ZNF250: variants seen among roughly 807,000 people sequenced by gnomAD.
The protein encoded by ZNF250 is zinc finger protein (clone 647).
ZNF250 carries 13 observed loss-of-function variants against 37.1 expected under a neutral mutation model. The ratio of observed to expected loss-of-function variants is 0.35; its 90% CI spans 0.23 to 0.56. The LOEUF (loss-of-function observed/expected upper bound fraction) is 0.56. Among genes scored for constraint, ZNF250 ranks in the 20% least tolerant of loss-of-function variants. ZNF250 has a pLI of 0.87. For synonymous variants in ZNF250, 251 were observed against 265.6 expected (o/e 0.94, Z 0.54); for missense variants, 474 against 697.9 (o/e 0.68, Z 3.61).
At position 144,878,140 on chromosome 8, in the gene ZNF250, T is replaced by A. The variant is rs897510850; in HGVS notation, c.*3375A>T. The A allele has an allele frequency of 1.3e-5, 2 of 152,238 alleles. No individual in the cohort carries two copies. Among genetic ancestry groups the A allele is most frequent in the Non-Finnish European group, 2.9e-5 (2 of 68,056 alleles). The allele number at this position is 152,238 out of a possible 1,614,324, so 9.4% of individuals were successfully genotyped here. A position where few individuals can be genotyped will look rare whatever the true frequency, so the allele number is the denominator to read the frequency against. On this transcript the variant is annotated 3_prime_UTR_variant, in exon 6 of 6. Coordinates refer to ENST00000417550, the MANE Select transcript of ZNF250 (RefSeq NM_001109689.4). ...CTGGACTTTCATCTCAGTGATCTCA[T>A]CTAGGTACCTGGGTGATCTCTTGGC...
chr8:144,889,411 C>G (rs1832147723), intron 4 of ZNF250, among the ~76,000 whole-genome samples, 170 bp downstream of exon 4: 1 of 152,234 alleles, frequency 6.6e-6, no homozygotes, highest in African/African-American at 2.4e-5. Flanking sequence ...TGGGCTGCCA[C>G]CTGATTCAGC....
chr8:144,888,221 T>C (rs1296311280), intron 4 of ZNF250, among the ~76,000 whole-genome samples: 1 of 152,254 alleles, frequency 6.6e-6, no homozygotes, highest in African/African-American at 2.4e-5. Flanking sequence ...AGATTAATTC[T>C]TGGATGCTTT....
chr8:144,895,570 C>T (rs148633065), intron 1 of ZNF250, among the ~76,000 whole-genome samples: 21 of 152,184 alleles, frequency 1.4e-4, no homozygotes, highest in Non-Finnish European at 2.8e-4. Flanking sequence ...GGAAATACTC[C>T]AAAGGACAAT....
upstream of ZNF250, chr8:144,902,170 T>G (rs1043189013): frequency 2.0e-5 from 3 of 152,312 alleles, no homozygotes; most frequent in Non-Finnish European, 1.5e-5. Flanking sequence ...CACTCGGCCC[T>G]GGTGTTTGCT....
At chr8:144,894,835 T>TA (rs1285502020) in intron 1 of ZNF250, among the ~76,000 whole-genome samples, 1 of 151,222 alleles carries the variant, frequency 6.6e-6, no homozygotes, top group Non-Finnish European at 1.5e-5. Context: ...TTCTTAATTT[T>TA]TTTTTTTTGG....
intron 5 of ZNF250, among the ~76,000 whole-genome samples, chr8:144,883,937 A>G (rs1260264694): frequency 6.6e-6 from 1 of 151,438 alleles, no homozygotes; most frequent in Non-Finnish European, 1.5e-5. Flanking sequence ...TACAGTGGCT[A>G]CTATCATAGC....
rs895740650 is a variant in ZNF250 at position 144,886,968 on chromosome 8, C to T, written c.284-66G>A. The T allele has an allele frequency of 1.6e-5, 23 of 1,450,886 alleles. No individual in the cohort carries two copies. In the Admixed American group the frequency reaches 2.0e-4, roughly 13 times the overall value. 89.9% of individuals were successfully genotyped at this position (1,450,886 alleles called of 1,614,324 possible). A position where few individuals can be genotyped will look rare whatever the true frequency, so the allele number is the denominator to read the frequency against. ...CCCTTCAAGAGTGGAAAATCCTGGC[C>T]GGGCATGGTGGCTCACGTCTGTAAT... On this transcript the variant is annotated intron_variant, in intron 4 of 5. Transcript: ENST00000417550.
Position 144,881,576 on chromosome 8 carries a change from C to G in ZNF250, c.1607G>C (p.Gly536Ala). 4 of 1,611,798 alleles carry G rather than the reference C, an allele frequency of 2.5e-6. No individual in the cohort carries two copies. Among genetic ancestry groups the G allele is most frequent in the Non-Finnish European group, 3.4e-6 (4 of 1,178,126 alleles). The change falls in exon 6 of 6, where the codon GGG becomes GCG. Residue 536 changes from glycine to alanine, a missense_variant. Transcript: ENST00000417550. ...GTGGCCATGCTGGTTGAAGGCACGC[C>G]CACACTCCCCGCACTCATAGGGCTT... ...GEKPYECGEC[G>A]RAFNQHGHLI...
chr8:144,889,904 C>T (rs1023040891), intron 3 of ZNF250, 29 bp downstream of exon 3: 11 of 1,576,140 alleles, frequency 7.0e-6, no homozygotes, highest in African/African-American at 4.0e-5. Flanking sequence ...TACGCAGATA[C>T]ATAGACGAGG....
At chr8:144,889,311 G>C (rs970429296) in intron 4 of ZNF250, among the ~76,000 whole-genome samples, 1 of 152,190 alleles carries the variant, frequency 6.6e-6, no homozygotes, top group African/African-American at 2.4e-5. Context: ...TCTGGTCAGG[G>C]ACAGAATCAC....
intron 1 of ZNF250, among the ~76,000 whole-genome samples, chr8:144,896,673 G>T (rs1002404170): frequency 9.9e-5 from 15 of 152,208 alleles, no homozygotes; most frequent in Non-Finnish European, 1.6e-4. Flanking sequence ...AGGCAGGGAA[G>T]GAGGATGATG....
rs540284849 is a variant in ZNF250 at position 144,900,621 on chromosome 8, T to A, written c.-55+778A>T. Among the ~76,000 whole-genome samples, 13 of 152,254 alleles carry A rather than the reference T, an allele frequency of 8.5e-5. No homozygotes were observed. In the East Asian group the frequency reaches 1.3e-3, roughly 16 times the overall value. ...AAATATTTGCTGTGTTGCAAAGAGT[T>A]GGGCTCATTCATTAAAATAGGGCTC... On this transcript the variant is annotated intron_variant, in intron 1 of 5. Transcript: ENST00000417550.
chr8:144,891,494 T>C lies in ZNF250; in HGVS notation c.-54-1091A>G, dbSNP rs1832334043. ...ACTTTGGGAGGGTGAGGCAGGCACA[T>C]CACCGGAGGTCAGGAGTTTGAGACC... On this transcript the variant is annotated intron_variant, in intron 1 of 5. Transcript: ENST00000417550. The surrounding 1 kb of genome is among the most constrained non-coding windows in gnomAD (Gnocchi z 4.0). Among the ~76,000 whole-genome samples the C allele has an allele frequency of 6.6e-6, 1 of 152,162 alleles. No homozygotes were observed. Among genetic ancestry groups the C allele is most frequent in the Admixed American group, 6.6e-5 (1 of 15,260 alleles).
chr8:144,901,558 GT>G (rs538212773), upstream of ZNF250: 119 of 152,596 alleles, frequency 7.8e-4, no homozygotes, highest in Middle Eastern at 3.3e-3. The surrounding 1 kb of genome is among the most constrained non-coding windows in gnomAD (Gnocchi z 5.4). Context: ...GGGCAAGCAT[GT>G]TTACGTCATT....
chr8:144,892,805 G>A (rs1340429330), intron 1 of ZNF250, among the ~76,000 whole-genome samples: 7 of 151,368 alleles, frequency 4.6e-5, no homozygotes, highest in East Asian at 3.9e-4. Flanking sequence ...TGATCCGCCC[G>A]CCTTGGCCTC....
intron 4 of ZNF250, among the ~76,000 whole-genome samples, chr8:144,888,690 T>G (rs912354487): frequency 2.5e-4 from 38 of 151,764 alleles, no homozygotes; most frequent in African/African-American, 9.2e-4. Context: ...GACAATCACA[T>G]AAACTGCAAA....
In ZNF250 at chr8:144,890,447, C is replaced by T. The variant is rs1423138297; in HGVS notation, c.-54-44G>A. ...CAAGTGAGGGGCATGGCCTTGAGAC[C>T]GTAACTTCCTAGGGGGCCCTCAGGG... On this transcript the variant is annotated intron_variant, in intron 1 of 5. Coordinates refer to ENST00000417550, the MANE Select transcript of ZNF250 (RefSeq NM_001109689.4). This position sits in a 1 kb window ranked among gnomAD's most constrained non-coding sequence, Gnocchi z 5.1. The T allele has an allele frequency of 1.2e-5, 15 of 1,252,482 alleles. No homozygotes were observed. Among genetic ancestry groups the T allele is most frequent in the South Asian group, 6.6e-5 (3 of 45,118 alleles). 77.6% of individuals were successfully genotyped at this position (1,252,482 alleles called of 1,614,324 possible).
At chr8:144,898,276 A>G (rs1832854951) in intron 1 of ZNF250, among the ~76,000 whole-genome samples, 1 of 152,130 alleles carries the variant, frequency 6.6e-6, no homozygotes, top group South Asian at 2.1e-4. Flanking sequence ...CAGCCTGGGC[A>G]ACAGAGTGAG....
intron 4 of ZNF250, 67 bp downstream of exon 4, chr8:144,889,514 A>T: frequency 7.7e-7 from 1 of 1,294,036 alleles, no homozygotes; most frequent in Non-Finnish European, 1.1e-6. Flanking sequence ...AGTATGAACT[A>T]GGTCCACAGC....
Sources: gnomAD v4.1 joint callset for allele counts (sites outside exome capture counted in the v4.1 genomes callset) on GRCh38, gnomAD v4.1.1 for gene constraint, Gnocchi (gnomAD v3.1) non-coding constraint, MANE v1.5 for transcripts, NCBI Gene and HGNC (gene_info 2026-07-23, HGNC 2026-07-21) for gene names.